The following EFCAB11 variants were observed in gnomAD, a reference collection of about 807,000 sequenced individuals.
The protein encoded by EFCAB11 is EF-hand calcium binding domain 11.
Under a neutral mutation model 23.0 loss-of-function variants are expected in EFCAB11, and 14 were observed. That is an observed-to-expected ratio of 0.61 (90% CI 0.40 to 0.95). The LOEUF is 0.95. Ranked by LOEUF, EFCAB11 falls within the 40% of genes least tolerant of loss-of-function variation. The probability of loss-of-function intolerance (pLI) is 0.00; values close to 1 mark genes in which losing one functional copy is unlikely to be tolerated. For synonymous variants in EFCAB11, 65 were observed against 66.6 expected, an observed-to-expected ratio of 0.98 and a Z score of 0.11; for missense variants, 198 against 195.8, an observed-to-expected ratio of 1.01 and a Z score of -0.07.
At chr14:89,882,676 C>A (rs1177916773) in intron 5 of EFCAB11, among the ~76,000 whole-genome samples, 1 of 152,144 alleles carries the variant, frequency 6.6e-6, no homozygotes, top group African/African-American at 2.4e-5. Flanking sequence ...TTCTTAGGAA[C>A]AAGAAAAGGC....
intron 5 of EFCAB11, among the ~76,000 whole-genome samples, chr14:89,841,419 C>T (rs770422027): frequency 2.2e-4 from 34 of 151,614 alleles, no homozygotes; most frequent in Non-Finnish European, 2.9e-4. Flanking sequence ...CTTCATCTCC[C>T]CTCCCCCTCA....
At chr14:89,927,554 T>C (rs1890233098) in intron 5 of EFCAB11, among the ~76,000 whole-genome samples, 1 of 152,178 alleles carries the variant, frequency 6.6e-6, no homozygotes, top group Non-Finnish European at 1.5e-5. Flanking sequence ...TTAAATAATT[T>C]TGCATCACTA....
At chr14:89,943,386 C>CA (rs1438331070) in intron 3 of EFCAB11, among the ~76,000 whole-genome samples, 1 of 151,590 alleles carries the variant, frequency 6.6e-6, no homozygotes, top group Non-Finnish European at 1.5e-5. Flanking sequence ...CTGGGACTGG[C>CA]ATGTACCATC....
intron 5 of EFCAB11, among the ~76,000 whole-genome samples, chr14:89,806,318 T>C (rs1885966508): frequency 6.6e-6 from 1 of 152,194 alleles, no homozygotes; most frequent in South Asian, 2.1e-4. Flanking sequence ...TGTAGACATG[T>C]GGATAAATGC....
At chr14:89,797,968 C>T (rs1400654991) in intron 5 of EFCAB11, among the ~76,000 whole-genome samples, 3 of 152,132 alleles carry the variant, frequency 2.0e-5, no homozygotes, top group African/African-American at 7.2e-5. Flanking sequence ...GAAAGCATAA[C>T]TGGTGAGTAG....
At chr14:89,866,902 C>A (rs1305125130) in intron 5 of EFCAB11, among the ~76,000 whole-genome samples, 1 of 152,104 alleles carries the variant, frequency 6.6e-6, no homozygotes, top group Non-Finnish European at 1.5e-5. Context: ...TCCTGAGTAG[C>A]GGGGATTACA....
intron 5 of EFCAB11, among the ~76,000 whole-genome samples, chr14:89,872,008 G>C (rs189734285): frequency 6.6e-6 from 1 of 152,350 alleles, no homozygotes; most frequent in East Asian, 1.9e-4. Context: ...CATATGGAGA[G>C]ATGGGCCCTG....
chr14:89,919,768 A>G (rs1447821553), intron 5 of EFCAB11, among the ~76,000 whole-genome samples: 1 of 152,206 alleles, frequency 6.6e-6, no homozygotes, highest in Non-Finnish European at 1.5e-5. Context: ...GGGCTGGGGT[A>G]GGCAGAGGCA....
intron 5 of EFCAB11, among the ~76,000 whole-genome samples, chr14:89,853,609 T>G (rs1369332783): frequency 6.6e-6 from 1 of 152,196 alleles, no homozygotes; most frequent in Non-Finnish European, 1.5e-5. Context: ...TCACTTCACC[T>G]GCCACACTGG....
intron 3 of EFCAB11, among the ~76,000 whole-genome samples, chr14:89,943,595 A>G (rs1320016926): frequency 1.3e-5 from 2 of 152,226 alleles, no homozygotes; most frequent in African/African-American, 4.8e-5. Context: ...TATATGTGGA[A>G]AAACATTTAA....
chr14:89,870,568 A>G (rs2140162036), intron 5 of EFCAB11, among the ~76,000 whole-genome samples: 1 of 152,306 alleles, frequency 6.6e-6, no homozygotes, highest in South Asian at 2.1e-4. Context: ...ACTAATAGGT[A>G]TATGATGAAG....
At chr14:89,848,508 G>A (rs559835356) in intron 5 of EFCAB11, 2 of 152,326 alleles carry the variant, frequency 1.3e-5, no homozygotes, top group African/African-American at 4.8e-5. Context: ...GTCAGCTCCA[G>A]CACGGCACTG....
intron 5 of EFCAB11, among the ~76,000 whole-genome samples, chr14:89,886,047 G>T (rs975011164): frequency 1.3e-5 from 2 of 152,134 alleles, no homozygotes; most frequent in Non-Finnish European, 2.9e-5. Context: ...GTGTGATACT[G>T]GCACAAAGAT....
chr14:89,901,068 T>C (rs1889323281), intron 5 of EFCAB11, among the ~76,000 whole-genome samples: 1 of 152,240 alleles, frequency 6.6e-6, no homozygotes, highest in Non-Finnish European at 1.5e-5. Context: ...ACAGAAGATC[T>C]GTGTTGCCTC....
chr14:89,922,557 C>T (rs78909630), intron 5 of EFCAB11, among the ~76,000 whole-genome samples: 8,479 of 152,182 alleles, frequency 0.056, 408 homozygotes, highest in African/African-American at 0.12. Flanking sequence ...CTTGACTAGA[C>T]TCCTGACCTT....
intron 4 of EFCAB11, 106 bp downstream of exon 4, chr14:89,932,420 A>G: frequency 1.2e-6 from 1 of 856,810 alleles, no homozygotes; most frequent in Non-Finnish European, 1.8e-6. Flanking sequence ...ATACAGTAAT[A>G]TAATCTTCCA....
At chr14:89,841,212 G>C (rs1318456911) in intron 5 of EFCAB11, among the ~76,000 whole-genome samples, 1 of 152,188 alleles carries the variant, frequency 6.6e-6, no homozygotes, top group East Asian at 1.9e-4. Flanking sequence ...ATTGGAACTT[G>C]GTTTTTCGTT....
At chr14:89,821,212 T>C (rs993098769) in intron 5 of EFCAB11, among the ~76,000 whole-genome samples, 10 of 151,928 alleles carry the variant, frequency 6.6e-5, no homozygotes, top group Non-Finnish European at 2.9e-5. Context: ...TTGCGCTCCA[T>C]AATGTAAGTG....
At chr14:89,943,458 TCTCAAACTCCTGGG>T (rs781324454) in intron 3 of EFCAB11, among the ~76,000 whole-genome samples, 21 of 151,966 alleles carry the variant, frequency 1.4e-4, no homozygotes, top group Non-Finnish European at 2.9e-4. Context: ...CTCTCGCTGG[TCTCAAACTCCTGGG>T]CTCAAGTGAT....
Sources: allele counts gnomAD v4.1 joint callset (sites outside exome capture counted in the v4.1 genomes callset), GRCh38; gene constraint gnomAD v4.1.1; transcripts MANE v1.5; gene names NCBI Gene and HGNC (gene_info 2026-07-23, HGNC 2026-07-21).